The following NEXMIF variants were observed in gnomAD, a reference collection of about 807,000 sequenced individuals.
The protein encoded by NEXMIF is XLMR protein related to neurite extension.
In NEXMIF, 8 loss-of-function variants were observed where a neutral mutation model predicts 62.1. That is an observed-to-expected ratio of 0.13 (90% CI 0.08 to 0.23). The LOEUF (loss-of-function observed/expected upper bound fraction) is 0.23, where lower values mean the gene tolerates loss of function less well. Among genes scored for constraint, NEXMIF ranks in the 10% least tolerant of loss-of-function variants. NEXMIF has a pLI of 1.00. For missense variants in NEXMIF, 976 were observed against 1,113.3 expected (o/e 0.88, Z 1.75); for synonymous variants, 404 against 416.6 (o/e 0.97, Z 0.37).
At chrX:74,836,057 AC>A (rs2080455477) in intron 1 of NEXMIF, among the ~76,000 whole-genome samples, 2 of 112,224 alleles carry the variant, frequency 1.8e-5, no homozygotes, top group Non-Finnish European at 3.8e-5. Flanking sequence ...TGTCACCATC[AC>A]CACCACTTGC....
In NEXMIF at chrX:74,796,301, T is replaced by TAC. The variant is rs1257859415; in HGVS notation, c.-47-50605_-47-50604insGT. Among the ~76,000 whole-genome samples, 214 of 15,884 alleles carry TAC rather than the reference T, an allele frequency of 0.013. 18 individuals are homozygous for TAC. The South Asian group carries it at 0.24, about 18-fold the overall frequency. The allele number at this position is 15,884 out of a possible 115,157, so 13.8% of individuals were successfully genotyped here. A position where few individuals can be genotyped will look rare whatever the true frequency, so the allele number is the denominator to read the frequency against. ...ATATATATTATATATATTATATATA[T>TAC]ATACACACACACACACAATGGATAG... On this transcript the variant is annotated intron_variant, in intron 1 of 3. Transcript: ENST00000055682.
intron 1 of NEXMIF, among the ~76,000 whole-genome samples, chrX:74,903,880 C>CGTGTGT (rs3222701): frequency 1.0e-3 from 96 of 94,208 alleles, no homozygotes; most frequent in Admixed American, 1.6e-3. Flanking sequence ...CAATTCTAAT[C>CGTGTGT]GTGTGTGTGT....
At chrX:74,825,721 A>AT (rs1399932629) in intron 1 of NEXMIF, among the ~76,000 whole-genome samples, 3 of 111,483 alleles carry the variant, frequency 2.7e-5, no homozygotes. Context: ...TGTCTGGCTA[A>AT]TTTTTGTATT....
Position 74,745,638 on chromosome X carries a change from G to C in NEXMIF, c.13C>G (p.Gln5Glu). 1 of 1,185,396 alleles carries C rather than the reference G, an allele frequency of 8.4e-7. No homozygotes were observed. Among genetic ancestry groups the C allele is most frequent in the Non-Finnish European group, 1.1e-6 (1 of 871,730 alleles). MDNQ[Q>E]DKAIVASANG... ...GCTGAGGCAACAATAGCCTTATCTT[G>C]TTGGTTATCCATGAATATAACCTCT... The change falls in exon 2 of 4, where the codon CAA becomes GAA. Residue 5 changes from glutamine to glutamate, a missense_variant. Gln to Glu is a conservative substitution (Grantham distance 29). Transcript: ENST00000055682.
At chrX:74,786,133 G>T (rs2080259625) in intron 1 of NEXMIF, among the ~76,000 whole-genome samples, 1 of 111,771 alleles carries the variant, frequency 8.9e-6, no homozygotes, top group Non-Finnish European at 1.9e-5. Context: ...ACTGAGCGAG[G>T]GAAATGGGCA....
At chrX:74,871,933 G>C (rs890761490) in intron 1 of NEXMIF, among the ~76,000 whole-genome samples, 7 of 111,281 alleles carry the variant, frequency 6.3e-5, no homozygotes, top group African/African-American at 2.3e-4. Context: ...ACAGGGTCCT[G>C]AGGTGACATA....
chrX:74,824,567 A>G (rs953462636), intron 1 of NEXMIF, among the ~76,000 whole-genome samples: 1 of 112,105 alleles, frequency 8.9e-6, no homozygotes, highest in Admixed American at 9.5e-5. Flanking sequence ...GGGAGTGCAG[A>G]CATTTCTTTG....
At chrX:74,866,092 G>A (rs763778494) in intron 1 of NEXMIF, among the ~76,000 whole-genome samples, 4 of 111,416 alleles carry the variant, frequency 3.6e-5, no homozygotes, top group East Asian at 5.7e-4. Context: ...CCATGTTCCC[G>A]GAAATGCCAC....
intron 1 of NEXMIF, among the ~76,000 whole-genome samples, chrX:74,771,658 G>T (rs1365580277): frequency 9.0e-6 from 1 of 111,448 alleles, no homozygotes; most frequent in Non-Finnish European, 1.9e-5. Flanking sequence ...TCACTAGGCT[G>T]CTTTCTGGTC....
intron 1 of NEXMIF, among the ~76,000 whole-genome samples, chrX:74,870,991 T>C (rs779864850): frequency 1.8e-5 from 2 of 111,390 alleles, no homozygotes; most frequent in Non-Finnish European, 3.8e-5. Context: ...GAAAGGAAAA[T>C]GGTACATCGA....
intron 1 of NEXMIF, among the ~76,000 whole-genome samples, chrX:74,873,758 T>C (rs1489110764): frequency 8.9e-6 from 1 of 112,456 alleles, no homozygotes; most frequent in Non-Finnish European, 1.9e-5. Context: ...ATGAGCATTT[T>C]TTCATGTGTT....
intron 1 of NEXMIF, among the ~76,000 whole-genome samples, chrX:74,752,635 T>C (rs768267409): frequency 9.0e-6 from 1 of 111,512 alleles, no homozygotes; most frequent in South Asian, 3.8e-4. Context: ...ACAATATTCA[T>C]TAAGACTGGA....
At chrX:74,756,801 C>T (rs1048426062) in intron 1 of NEXMIF, among the ~76,000 whole-genome samples, 5 of 111,991 alleles carry the variant, frequency 4.5e-5, no homozygotes, top group African/African-American at 9.7e-5. Flanking sequence ...CAAAGCCATA[C>T]ACGTGGCATT....
intron 1 of NEXMIF, among the ~76,000 whole-genome samples, chrX:74,772,801 G>T (rs1442819163): frequency 9.0e-6 from 1 of 111,253 alleles, no homozygotes; most frequent in African/African-American, 3.3e-5. Context: ...ACCTCTTCAG[G>T]TATCCACTGT....
At chrX:74,778,978 A>G (rs989862996) in intron 1 of NEXMIF, among the ~76,000 whole-genome samples, 2 of 111,995 alleles carry the variant, frequency 1.8e-5, no homozygotes, top group African/African-American at 6.5e-5. Context: ...AGAGACAACA[A>G]AGGCTTTCAT....
rs1602219106 is a variant in NEXMIF at position 74,760,640 on chromosome X, A to G, written c.-47-14943T>C. On this transcript the variant is annotated intron_variant, in intron 1 of 3. Coordinates refer to ENST00000055682, the MANE Select transcript of NEXMIF (RefSeq NM_001008537.3). ...CAAAGCCTTTTCTGCATCTATTGAGATAATCATGGGGTTTTTGTCTTTAGT... is the reference window on the plus strand; with the variant it reads ...CAAAGCCTTTTCTGCATCTATTGAGGTAATCATGGGGTTTTTGTCTTTAGT... Among the ~76,000 whole-genome samples the G allele has an allele frequency of 7.2e-5, 8 of 111,434 alleles. 1 individual carries two copies. The Admixed American group carries it at 7.7e-4, about 11-fold the overall frequency.
At chrX:74,871,522 T>C (rs960025059) in intron 1 of NEXMIF, among the ~76,000 whole-genome samples, 1 of 111,207 alleles carries the variant, frequency 9.0e-6, no homozygotes, top group Non-Finnish European at 1.9e-5. Flanking sequence ...TTCCCAATCC[T>C]AGTAAGCCTG....
At position 74,743,186 on chromosome X, in the gene NEXMIF, C is replaced by A; in HGVS notation, c.1371G>T (p.Lys457Asn). Reference sequence around the variant, plus strand: ...CCCGAGCCATATAGCGACTACAGTCCTTGATCTCACCCATAGCATCATATG... The same window carrying A: ...CCCGAGCCATATAGCGACTACAGTCATTGATCTCACCCATAGCATCATATG... ...EISYDAMGEI[K>N]DCSRYMARDT... The change falls in exon 3 of 4, where the codon AAG becomes AAT. Residue 457 changes from lysine to asparagine, a missense_variant. Transcript: ENST00000055682. 1 of 1,210,558 alleles carries A rather than the reference C, an allele frequency of 8.3e-7. No homozygotes were observed. Among genetic ancestry groups the A allele is most frequent in the Non-Finnish European group, 1.1e-6 (1 of 894,790 alleles).
In NEXMIF at chrX:74,890,631, G is replaced by A. The variant is rs182009304; in HGVS notation, c.-48+34252C>T. Among the ~76,000 whole-genome samples, 6 of 111,622 alleles carry A rather than the reference G, an allele frequency of 5.4e-5. No homozygotes were observed. In the South Asian group the frequency reaches 1.9e-3, roughly 35 times the overall value. The stretch of plus-strand genomic sequence containing the variant: ...TTTGCAAAAATACTCAACAGAACCC[G>A]CAGCCACATGGGACAAATACACCCT... On this transcript the variant is annotated intron_variant, in intron 1 of 3. Coordinates refer to ENST00000055682, the MANE Select transcript of NEXMIF (RefSeq NM_001008537.3).
Sources: allele counts gnomAD v4.1 joint callset (sites outside exome capture counted in the v4.1 genomes callset), GRCh38; gene constraint gnomAD v4.1.1; transcripts MANE v1.5; gene names NCBI Gene and HGNC (gene_info 2026-07-23, HGNC 2026-07-21).